SPECC1: variants seen among roughly 807,000 people sequenced by gnomAD.
SPECC1 encodes the protein sperm antigen with calponin homology and coiled-coil domains 1.
In SPECC1, 62 loss-of-function variants were observed where a neutral mutation model predicts 104.1. The observed-to-expected ratio is 0.60, with a 90% CI of 0.49 to 0.74. SPECC1 has a LOEUF of 0.74. Among genes scored for constraint, SPECC1 ranks in the 30% least tolerant of loss-of-function variants. The pLI is 0.00. For missense variants in SPECC1, 1,306 were observed against 1,310.5 expected (o/e 1.00, Z 0.05); for synonymous variants, 513 against 501.6 (o/e 1.02, Z -0.30).
chr17:20,084,882 G>T (rs2047116507), intron 1 of SPECC1, among the ~76,000 whole-genome samples: 1 of 152,170 alleles, frequency 6.6e-6, no homozygotes, highest in Non-Finnish European at 1.5e-5. Flanking sequence ...GGGAGGTGGG[G>T]GTGGGAGTCA....
At chr17:20,148,529 G>C (rs1307035424) in intron 3 of SPECC1, among the ~76,000 whole-genome samples, 4 of 129,622 alleles carry the variant, frequency 3.1e-5, no homozygotes, top group African/African-American at 1.2e-4. Flanking sequence ...GCAAAAAGCA[G>C]TACATGTGCA....
chr17:20,202,916 A>G (rs1399474423), intron 3 of SPECC1, among the ~76,000 whole-genome samples: 2 of 152,252 alleles, frequency 1.3e-5, no homozygotes, highest in Non-Finnish European at 2.9e-5. Context: ...TATTAATTTG[A>G]CAGTTCAGCC....
At chr17:20,238,920 C>G (rs755527438) in intron 7 of SPECC1, 585 of 1,041,558 alleles carry the variant, frequency 5.6e-4, no homozygotes, top group Non-Finnish European at 5.3e-4. Flanking sequence ...TAATCACCAG[C>G]TACGTTTCTG....
At chr17:20,289,373 C>T (rs1294671992) in intron 12 of SPECC1, among the ~76,000 whole-genome samples, 1 of 151,996 alleles carries the variant, frequency 6.6e-6, no homozygotes, top group Non-Finnish European at 1.5e-5. Flanking sequence ...GCCATCTAGG[C>T]TCAGTGCAAC....
At chr17:20,156,220 C>T in intron 3 of SPECC1, 1 of 1,414,116 alleles carries the variant, frequency 7.1e-7, no homozygotes, top group South Asian at 1.6e-5. Flanking sequence ...CAGGACGGCC[C>T]GAGGATCCGG....
At chr17:20,112,961 C>G in intron 3 of SPECC1, 1 of 1,234,692 alleles carries the variant, frequency 8.1e-7, no homozygotes, top group Non-Finnish European at 1.2e-6. Context: ...GATGCTAACA[C>G]CACTACACAT....
At chr17:20,125,567 A>G (rs1192015028) in intron 3 of SPECC1, among the ~76,000 whole-genome samples, 1 of 152,072 alleles carries the variant, frequency 6.6e-6, no homozygotes, top group Non-Finnish European at 1.5e-5. Context: ...CCACCACTCA[A>G]CTTTCTGTTT....
At chr17:20,153,121 T>C (rs2032165152) in intron 3 of SPECC1, among the ~76,000 whole-genome samples, 2 of 152,214 alleles carry the variant, frequency 1.3e-5, no homozygotes, top group East Asian at 3.8e-4. Context: ...CACAACTCAG[T>C]TCACAGCAGA....
chr17:20,274,795 T>C (rs2040523754), intron 12 of SPECC1, among the ~76,000 whole-genome samples: 1 of 152,014 alleles, frequency 6.6e-6, no homozygotes, highest in Non-Finnish European at 1.5e-5. Flanking sequence ...TCTTCTAATA[T>C]TTATACCTCT....
At chr17:20,215,762 T>G (rs1291590764) in intron 4 of SPECC1, among the ~76,000 whole-genome samples, 3 of 152,250 alleles carry the variant, frequency 2.0e-5, no homozygotes, top group Non-Finnish European at 4.4e-5. Flanking sequence ...TCTTTGTTCT[T>G]TATATATTGA....
chr17:20,121,128 G>A (rs2049007117), intron 3 of SPECC1, among the ~76,000 whole-genome samples: 1 of 152,246 alleles, frequency 6.6e-6, no homozygotes, highest in Admixed American at 6.5e-5. Flanking sequence ...CCACCTGCCT[G>A]CACTGTGCCG....
At chr17:20,226,409 A>AAT (rs1215616876) in intron 4 of SPECC1, among the ~76,000 whole-genome samples, 1 of 152,188 alleles carries the variant, frequency 6.6e-6, no homozygotes, top group East Asian at 1.9e-4. Flanking sequence ...GCAAAAGCAC[A>AAT]ATATAGTGTA....
Position 20,288,437 on chromosome 17 carries a change from C to T in SPECC1, c.2941-8524C>T, listed in dbSNP as rs528375643. On this transcript the variant is annotated intron_variant, in intron 12 of 14. Coordinates refer to ENST00000395527, the MANE Select transcript of SPECC1 (RefSeq NM_001243439.2). ...AGTGGGCAAAGGACATGAACAGACACTTCTCAAAAGAAGACATTTATGTAG... is the reference window on the plus strand; with the variant it reads ...AGTGGGCAAAGGACATGAACAGACATTTCTCAAAAGAAGACATTTATGTAG... Among the ~76,000 whole-genome samples the T allele has an allele frequency of 2.6e-5, 4 of 152,188 alleles. No individual in the cohort carries two copies. The East Asian group carries it at 5.8e-4, about 22-fold the overall frequency.
At chr17:20,290,703 C>T (rs958064086) in intron 12 of SPECC1, among the ~76,000 whole-genome samples, 2 of 151,854 alleles carry the variant, frequency 1.3e-5, no homozygotes, top group African/African-American at 4.8e-5. Context: ...TTTTGGTAGA[C>T]GTGAGGTTTC....
chr17:20,220,926 T>C (rs1179892104), intron 4 of SPECC1, among the ~76,000 whole-genome samples: 1 of 152,224 alleles, frequency 6.6e-6, no homozygotes, highest in African/African-American at 2.4e-5. Flanking sequence ...TCAGCATCAG[T>C]TGAAATGACC....
In SPECC1 at chr17:20,122,921, TG is replaced by T. The variant is rs2049108213; in HGVS notation, c.283+12360del. Among the ~76,000 whole-genome samples, 3 of 152,348 alleles carry T rather than the reference TG, an allele frequency of 2.0e-5. No homozygotes were observed. In the East Asian group the frequency reaches 5.8e-4, roughly 29 times the overall value. On this transcript the variant is annotated intron_variant, in intron 3 of 14. Transcript: ENST00000395527. Reference sequence around the variant, plus strand: ...GCCTATTTCTACCTTTTGGCTATTGTGAATAATGCTGCTCTGTACACAGGTG... The same window carrying T: ...GCCTATTTCTACCTTTTGGCTATTGTAATAATGCTGCTCTGTACACAGGTG...
At chr17:20,138,169 G>A (rs755288085) in intron 3 of SPECC1, among the ~76,000 whole-genome samples, 1 of 152,038 alleles carries the variant, frequency 6.6e-6, no homozygotes, top group Non-Finnish European at 1.5e-5. Context: ...TCACTATGTT[G>A]CCCAGGGTGG....
intron 3 of SPECC1, among the ~76,000 whole-genome samples, chr17:20,132,712 GTTAT>G (rs56948106): frequency 0.31 from 45,145 of 144,736 alleles, 7,372 homozygotes; most frequent in Middle Eastern, 0.36. Context: ...TTTATGTGTA[GTTAT>G]TTATTTATTT....
intron 3 of SPECC1, among the ~76,000 whole-genome samples, chr17:20,186,321 TAAAA>T (rs143021200): frequency 0.012 from 1,810 of 152,208 alleles, 37 homozygotes; most frequent in East Asian, 0.082. Context: ...CATTACATCT[TAAAA>T]AAAGCAATGT....
Sources: allele counts gnomAD v4.1 joint callset (sites outside exome capture counted in the v4.1 genomes callset), GRCh38; gene constraint gnomAD v4.1.1; transcripts MANE v1.5; gene names NCBI Gene and HGNC (gene_info 2026-07-23, HGNC 2026-07-21).